Variants in FIBCD1 observed in about 807,000 individuals in gnomAD.
The protein encoded by FIBCD1 is fibrinogen C domain containing 1.
In FIBCD1, 47 loss-of-function variants were observed where a neutral mutation model predicts 45.1. The observed-to-expected ratio is 1.04, with a 90% confidence interval of 0.82 to 1.33. FIBCD1 has a LOEUF of 1.33. Ranked by LOEUF, FIBCD1 falls within the 40% of genes most tolerant of loss-of-function variation. The probability of loss-of-function intolerance (pLI) is 0.00; values close to 1 mark genes in which losing one functional copy is unlikely to be tolerated. For missense variants in FIBCD1, 653 were observed against 682.2 expected (o/e 0.96, Z 0.48); for synonymous variants, 313 against 308.1 (o/e 1.02, Z -0.17).
chr9:130,904,427 G>GC, intron 6 of FIBCD1, 104 bp from the exon 7 acceptor site: 1 of 1,475,404 alleles, frequency 6.8e-7, no homozygotes, highest in Non-Finnish European at 9.1e-7. Context: ...ACCTGGACGT[G>GC]AGTGCATACA....
intron 5 of FIBCD1, among the ~76,000 whole-genome samples, chr9:130,909,451 C>CG (rs1176690172): frequency 2.0e-5 from 3 of 152,190 alleles, no homozygotes; most frequent in South Asian, 4.2e-4. Flanking sequence ...TGACTGCTCC[C>CG]GGGGGTACAG....
At chr9:130,911,028 T>TG (rs1299523514) in intron 5 of FIBCD1, among the ~76,000 whole-genome samples, 3 of 152,102 alleles carry the variant, frequency 2.0e-5, no homozygotes, top group East Asian at 1.9e-4. Context: ...AGGATGTGGG[T>TG]GGGGCCACAT....
chr9:130,930,047 C>T lies in FIBCD1; in HGVS notation c.73-1G>A. The stretch of plus-strand genomic sequence containing the variant: ...ACAGCACGTAGCCGCAGCTCGGCCG[C>T]TGCAGGCCCGCCCGGGACGCACAGA... On this transcript the variant is annotated splice_acceptor_variant, in intron 1 of 6. Transcript: ENST00000372338. LOFTEE classifies it high-confidence loss of function. 6.7e-7 allele frequency: 1 copy of T among 1,501,268 alleles called. No individual in the cohort carries two copies. The allele number at this position is 1,501,268 out of a possible 1,614,324, so 93.0% of individuals were successfully genotyped here.
At chr9:130,927,915 C>A (rs1262859435) in intron 2 of FIBCD1, among the ~76,000 whole-genome samples, 1 of 152,242 alleles carries the variant, frequency 6.6e-6, no homozygotes, top group Non-Finnish European at 1.5e-5. Context: ...CCCGCCTCGG[C>A]TTCCCAAAGT....
At chr9:130,912,744 C>T (rs1832082694) in intron 4 of FIBCD1, among the ~76,000 whole-genome samples, 1 of 142,954 alleles carries the variant, frequency 7.0e-6, no homozygotes, top group South Asian at 2.4e-4. Context: ...GGAGGAAAGC[C>T]GGCTTTGGGG....
In FIBCD1 at chr9:130,904,069, G is replaced by C. The variant is rs767273025; in HGVS notation, c.1381C>G (p.Arg461Gly). The part of the protein sequence containing the change: ...EMKIRPVRED[R>G] ...CAAGGACAAGGTGCACCAGTCTAGC[G>C]GTCCTCCCGGACCGGCCGGATCTTC... Residue 461 changes from arginine to glycine, a missense_variant, in exon 7 of 7, where the codon CGC becomes GGC. Coordinates refer to ENST00000372338, the MANE Select transcript of FIBCD1 (RefSeq NM_032843.5). 7 of 1,612,262 alleles carry C rather than the reference G, an allele frequency of 4.3e-6. No individual in the cohort carries two copies. In the South Asian group the frequency reaches 6.6e-5, roughly 15 times the overall value.
intron 4 of FIBCD1, among the ~76,000 whole-genome samples, chr9:130,916,438 G>A (rs186514488): frequency 2.9e-4 from 44 of 152,264 alleles, no homozygotes; most frequent in African/African-American, 9.9e-4. Flanking sequence ...CTAGGATCTC[G>A]GGCTTGGAAA....
chr9:130,923,741 C>G lies in FIBCD1; in HGVS notation c.849+3G>C. The G allele has an allele frequency of 6.2e-7, 1 of 1,611,604 alleles. No individual in the cohort carries two copies. Among genetic ancestry groups the G allele is most frequent in the Non-Finnish European group, 8.5e-7 (1 of 1,179,696 alleles). ...TGCCGCCCGCCCAGCCTGGGACACT[C>G]ACCGTCCAGCCGCCGCCGTCCGTGC... On this transcript the variant is annotated splice_donor_region_variant and intron_variant, in intron 4 of 6. Coordinates refer to ENST00000372338, the MANE Select transcript of FIBCD1 (RefSeq NM_032843.5).
intron 4 of FIBCD1, among the ~76,000 whole-genome samples, chr9:130,918,529 G>A (rs529604440): frequency 7.2e-5 from 11 of 152,378 alleles, no homozygotes; most frequent in Non-Finnish European, 7.3e-5. Flanking sequence ...TGGAGCTGTG[G>A]CCTCTCCCAG....
rs375911377 is a variant in FIBCD1 at position 130,911,862 on chromosome 9, G to T, written c.876C>A (p.Ser292=). 2.5e-6 allele frequency: 4 copies of T among 1,596,946 alleles called. No individual in the cohort carries two copies. The highest frequency in any genetic ancestry group is 3.4e-6 in the Non-Finnish European group (4 of 1,172,904). The change falls in exon 5 of 7, where the codon TCC becomes TCA. Residue 292 remains serine, a synonymous_variant. Coordinates refer to ENST00000372338, the MANE Select transcript of FIBCD1 (RefSeq NM_032843.5). ...CATCCCAGCCCCGGAAGAAGTTCAC[G>T]GAGCCGTCCTCCCGGCGCTGAAACA... The part of the protein sequence containing the change: ...WTVFQRREDG[S]VNFFRGWDAY...
rs1588115542 is a variant in FIBCD1 at position 130,938,655 on chromosome 9, A to G, written c.-48T>C. ...CGCCGGGCGAGGCGCGCCGCTGCGG[A>G]GCGCAAAGGAGACGGGGTGGGCGCG... On this transcript the variant is annotated 5_prime_UTR_variant, in exon 1 of 7. Transcript: ENST00000372338. 3 of 1,296,316 alleles carry G rather than the reference A, an allele frequency of 2.3e-6. No individual in the cohort carries two copies. In the East Asian group the frequency reaches 1.0e-4, roughly 43 times the overall value. The allele number at this position is 1,296,316 out of a possible 1,614,324, so 80.3% of individuals were successfully genotyped here.
At chr9:130,909,798 C>T (rs12237399) in intron 5 of FIBCD1, among the ~76,000 whole-genome samples, 58,726 of 151,646 alleles carry the variant, frequency 0.39, 13,301 homozygotes, top group African/African-American at 0.62. Context: ...TTCAAAAATT[C>T]TAAAATACTG....
chr9:130,905,241 G>A lies in FIBCD1; in HGVS notation c.1119C>T (p.Gly373=). The part of the protein sequence containing the change: ...GYPLTVADYS[G]TAGDSLLKHS... ...CCACAGCTGGAGCCTCACCTGCAGT[G>A]CCGGAATAGTCAGCCACGGTGAGCG... Residue 373 remains glycine, a synonymous_variant, in exon 6 of 7, where the codon GGC becomes GGT. Coordinates refer to ENST00000372338, the MANE Select transcript of FIBCD1 (RefSeq NM_032843.5). The A allele has an allele frequency of 6.2e-7, 1 of 1,613,158 alleles. No individual in the cohort carries two copies. The highest frequency in any genetic ancestry group is 8.5e-7 in the Non-Finnish European group (1 of 1,179,606).
intron 1 of FIBCD1, among the ~76,000 whole-genome samples, chr9:130,932,683 T>C (rs1832460142): frequency 1.3e-5 from 2 of 152,182 alleles, no homozygotes; most frequent in South Asian, 4.1e-4. Context: ...TCCTCCTCTG[T>C]GCTCCCCCCG....
At position 130,911,905 on chromosome 9, in the gene FIBCD1, G is replaced by A. The variant is rs1314431317; in HGVS notation, c.850-17C>T. On this transcript the variant is annotated splice_polypyrimidine_tract_variant and intron_variant, in intron 4 of 6. Transcript: ENST00000372338. Reference sequence around the variant, plus strand: ...CTGAAACACCTGCAAAGGGAAGATGGGGATGGGGCGTTGGCACCGACCATC... The same window carrying A: ...CTGAAACACCTGCAAAGGGAAGATGAGGATGGGGCGTTGGCACCGACCATC... 8.3e-6 allele frequency: 13 copies of A among 1,558,256 alleles called. No homozygotes were observed. Among genetic ancestry groups the A allele is most frequent in the Non-Finnish European group, 1.1e-5 (13 of 1,152,042 alleles).
intron 4 of FIBCD1, among the ~76,000 whole-genome samples, chr9:130,912,214 G>C (rs79995098): frequency 1.3e-5 from 2 of 151,552 alleles, no homozygotes; most frequent in African/African-American, 2.4e-5. Flanking sequence ...CCAGGAGTTC[G>C]AGACAACATA....
intron 1 of FIBCD1, among the ~76,000 whole-genome samples, chr9:130,936,975 GT>G (rs1257446849): frequency 1.7e-4 from 1 of 5,984 alleles, no homozygotes. Context: ...GTGAAGGGGT[GT>G]GTGTGTGTGT....
chr9:130,938,224 A>G (rs1415296882), intron 1 of FIBCD1: 3 of 304,372 alleles, frequency 9.9e-6, no homozygotes, highest in Non-Finnish European at 6.2e-6. Flanking sequence ...GTCTGTGGAC[A>G]CACAGCGAAC....
intron 5 of FIBCD1, among the ~76,000 whole-genome samples, chr9:130,909,090 C>T (rs978739372): frequency 3.9e-5 from 6 of 152,138 alleles, no homozygotes; most frequent in African/African-American, 1.4e-4. Flanking sequence ...CCCTCTCCTT[C>T]CCGCCTAAGC....
Sources: gnomAD v4.1 joint callset for allele counts (sites outside exome capture counted in the v4.1 genomes callset) on GRCh38, gnomAD v4.1.1 for gene constraint, MANE v1.5 for transcripts, NCBI Gene and HGNC (gene_info 2026-07-23, HGNC 2026-07-21) for gene names.